KCNQ5: variants seen among roughly 807,000 people sequenced by gnomAD.
KCNQ5 encodes the protein potassium voltage-gated channel subfamily KQT member 5.
Under a neutral mutation model 98.2 loss-of-function variants are expected in KCNQ5, and 30 were observed. The ratio of observed to expected loss-of-function variants is 0.31; its 90% confidence interval spans 0.23 to 0.41. The LOEUF (loss-of-function observed/expected upper bound fraction) is 0.41, where lower values mean the gene tolerates loss of function less well. KCNQ5 is among the 10% of genes least tolerant of loss of function. The pLI, the probability that KCNQ5 is intolerant of heterozygous loss-of-function variation, is 1.00. For synonymous variants in KCNQ5, 458 were observed against 449.4 expected (o/e 1.02, Z -0.24); for missense variants, 835 against 1,182.5 (o/e 0.71, Z 4.31).
intron 5 of KCNQ5, among the ~76,000 whole-genome samples, chr6:73,089,566 T>C (rs73452822): frequency 0.031 from 4,711 of 152,204 alleles, 234 homozygotes; most frequent in African/African-American, 0.11. Context: ...CTCCTTCCCA[T>C]CCTTTCACCT....
intron 1 of KCNQ5, among the ~76,000 whole-genome samples, chr6:72,825,866 A>G (rs573680680): frequency 6.6e-6 from 1 of 152,262 alleles, no homozygotes; most frequent in African/African-American, 2.4e-5. Flanking sequence ...AGTGTCATGG[A>G]ATGTTTTATG....
chr6:73,161,236 T>TC (rs1250579755), intron 10 of KCNQ5, among the ~76,000 whole-genome samples: 1 of 152,176 alleles, frequency 6.6e-6, no homozygotes, highest in Non-Finnish European at 1.5e-5. Flanking sequence ...ATGTGCTCAT[T>TC]CATATGTGGG....
At chr6:72,795,582 T>C (rs1582305590) in intron 1 of KCNQ5, among the ~76,000 whole-genome samples, 2 of 152,218 alleles carry the variant, frequency 1.3e-5, no homozygotes, top group Non-Finnish European at 2.9e-5. Context: ...CATCTTTAAA[T>C]TGAGTCTTGC....
intron 1 of KCNQ5, among the ~76,000 whole-genome samples, chr6:72,869,194 T>C (rs2150160284): frequency 6.6e-6 from 1 of 152,300 alleles, no homozygotes; most frequent in Non-Finnish European, 1.5e-5. Flanking sequence ...CAAGACTTAG[T>C]CTCTGATAAG....
chr6:72,734,312 T>TTTTG (rs149734979), intron 1 of KCNQ5, among the ~76,000 whole-genome samples: 18,100 of 151,442 alleles, frequency 0.12, 1,094 homozygotes, highest in South Asian at 0.16. Context: ...AATAACTAGT[T>TTTTG]TTTGTTTGTT....
At chr6:73,169,646 T>A (rs1469283943) in intron 10 of KCNQ5, 100 bp from the exon 11 acceptor site, 2 of 815,854 alleles carry the variant, frequency 2.5e-6, no homozygotes, top group Non-Finnish European at 4.3e-6. Context: ...TTTATCAGCT[T>A]ACTCTGTGAG....
chr6:72,779,480 A>T (rs1416414281), intron 1 of KCNQ5, among the ~76,000 whole-genome samples: 2 of 152,122 alleles, frequency 1.3e-5, no homozygotes, highest in East Asian at 3.8e-4. Flanking sequence ...TTATTTACTT[A>T]TTCATTTTTT....
At chr6:72,916,896 C>T (rs1780170450) in intron 1 of KCNQ5, among the ~76,000 whole-genome samples, 1 of 152,180 alleles carries the variant, frequency 6.6e-6, no homozygotes, top group South Asian at 2.1e-4. Flanking sequence ...CAGTCACTTA[C>T]AGGGCAGATT....
At chr6:72,868,533 A>G (rs1778081362) in intron 1 of KCNQ5, among the ~76,000 whole-genome samples, 1 of 152,120 alleles carries the variant, frequency 6.6e-6, no homozygotes, top group Admixed American at 6.6e-5. Flanking sequence ...CAAAGAGTGG[A>G]CCTAGCTGCA....
At chr6:72,718,763 T>G (rs1426315514) in intron 1 of KCNQ5, among the ~76,000 whole-genome samples, 1 of 152,162 alleles carries the variant, frequency 6.6e-6, no homozygotes, top group Non-Finnish European at 1.5e-5. Flanking sequence ...CTCCATCTTA[T>G]GGTCTTATTT....
At chr6:72,672,694 C>G (rs1392166395) in intron 1 of KCNQ5, among the ~76,000 whole-genome samples, 1 of 152,080 alleles carries the variant, frequency 6.6e-6, no homozygotes, top group African/African-American at 2.4e-5. Flanking sequence ...ACAAAATTGT[C>G]AGAATCAGAA....
At chr6:72,849,767 T>C (rs1216398415) in intron 1 of KCNQ5, among the ~76,000 whole-genome samples, 1 of 152,186 alleles carries the variant, frequency 6.6e-6, no homozygotes, top group Non-Finnish European at 1.5e-5. Context: ...TGAAAGAGTC[T>C]TTGAAACATT....
intron 1 of KCNQ5, among the ~76,000 whole-genome samples, chr6:72,713,281 C>T (rs1769466298): frequency 6.6e-6 from 1 of 152,170 alleles, no homozygotes; most frequent in South Asian, 2.1e-4. Context: ...CCAAACGTGA[C>T]TCTTTCCTTT....
At chr6:73,128,812 G>A (rs1162458318) in intron 9 of KCNQ5, among the ~76,000 whole-genome samples, 1 of 152,150 alleles carries the variant, frequency 6.6e-6, no homozygotes, top group Non-Finnish European at 1.5e-5. Flanking sequence ...AAAGATGCAT[G>A]TCTTAAACGT....
chr6:72,855,777 C>T (rs1240806364), intron 1 of KCNQ5, among the ~76,000 whole-genome samples: 1 of 152,154 alleles, frequency 6.6e-6, no homozygotes, highest in African/African-American at 2.4e-5. Context: ...ATTCACCATG[C>T]AGATTTCACC....
chr6:72,794,888 A>G (rs1389923866), intron 1 of KCNQ5, among the ~76,000 whole-genome samples: 1 of 152,236 alleles, frequency 6.6e-6, no homozygotes, highest in Non-Finnish European at 1.5e-5. Context: ...TGCAAGTTAC[A>G]GAAACCCAAA....
chr6:72,637,336 A>G (rs2098924790), intron 1 of KCNQ5, among the ~76,000 whole-genome samples: 1 of 151,962 alleles, frequency 6.6e-6, no homozygotes, highest in Non-Finnish European at 1.5e-5. Context: ...ATTCTATTAC[A>G]TGAAAGGAAA....
At chr6:72,802,148 T>C (rs1023122732) in intron 1 of KCNQ5, among the ~76,000 whole-genome samples, 1 of 152,068 alleles carries the variant, frequency 6.6e-6, no homozygotes, top group African/African-American at 2.4e-5. Context: ...GCGTTCTCTG[T>C]ATTTCCTGAA....
intron 1 of KCNQ5, among the ~76,000 whole-genome samples, chr6:72,827,728 T>G (rs374724495): frequency 1.2e-4 from 19 of 152,232 alleles, no homozygotes; most frequent in African/African-American, 4.6e-4. Flanking sequence ...AGCTTTTTAG[T>G]TTTATATAAT....
Sources: gnomAD v4.1 joint callset for allele counts (sites outside exome capture counted in the v4.1 genomes callset) on GRCh38, gnomAD v4.1.1 for gene constraint, MANE v1.5 for transcripts, NCBI Gene and HGNC (gene_info 2026-07-23, HGNC 2026-07-21) for gene names.